ABTB3: variants seen among roughly 807,000 people sequenced by gnomAD.
ABTB3 encodes ankyrin repeat- and BTB/POZ domain-containing protein 3.
the ABTB3 span, among the ~76,000 whole-genome samples, chr12:107,331,566 C>T: frequency 6.6e-6 from 1 of 152,154 alleles, no homozygotes; most frequent in African/African-American, 2.4e-5. Context: ...TGTCAGCCTC[C>T]TCCACCTGGT....
chr12:107,499,375 T>TGC, the ABTB3 span, among the ~76,000 whole-genome samples: 15 of 151,868 alleles, frequency 9.9e-5, no homozygotes, highest in East Asian at 2.7e-3. Flanking sequence ...TGTGTGTGTG[T>TGC]GTGTGTGCGT....
chr12:107,456,065 A>C, the ABTB3 span, among the ~76,000 whole-genome samples: 2 of 152,248 alleles, frequency 1.3e-5, no homozygotes, highest in Admixed American at 6.5e-5. Context: ...AATGGAATAC[A>C]AATGTATCAT....
the ABTB3 span, among the ~76,000 whole-genome samples, chr12:107,497,970 C>T: frequency 6.6e-6 from 1 of 152,132 alleles, no homozygotes; most frequent in East Asian, 1.9e-4. Context: ...GAGTCTGAGG[C>T]ACATCCTGGA....
the ABTB3 span, among the ~76,000 whole-genome samples, chr12:107,463,687 A>G: frequency 6.6e-6 from 1 of 152,178 alleles, no homozygotes; most frequent in Non-Finnish European, 1.5e-5. Flanking sequence ...GCAATAGCAA[A>G]CACTGTGTAT....
chr12:107,584,963 C>CTT, the ABTB3 span, among the ~76,000 whole-genome samples: 2 of 149,900 alleles, frequency 1.3e-5, no homozygotes, highest in Non-Finnish European at 3.0e-5. Context: ...TGAATTCTCC[C>CTT]TTTTTTTTTT....
the ABTB3 span, among the ~76,000 whole-genome samples, chr12:107,396,821 C>G: frequency 6.6e-6 from 1 of 152,158 alleles, no homozygotes; most frequent in South Asian, 2.1e-4. Context: ...CCAGGCAGCC[C>G]TTGATCTTGA....
At chr12:107,476,328 A>G in the ABTB3 span, among the ~76,000 whole-genome samples, 1 of 152,078 alleles carries the variant, frequency 6.6e-6, no homozygotes, top group Non-Finnish European at 1.5e-5. Flanking sequence ...GAAAAATCAC[A>G]GAACTTAAAG....
At chr12:107,466,898 T>G in the ABTB3 span, among the ~76,000 whole-genome samples, 1 of 152,000 alleles carries the variant, frequency 6.6e-6, no homozygotes, top group African/African-American at 2.4e-5. Flanking sequence ...GGCTGGACAG[T>G]GAGAGAAGTT....
At chr12:107,635,384 C>A in the ABTB3 span, 1 of 1,613,712 alleles carries the variant, frequency 6.2e-7, no homozygotes, top group Non-Finnish European at 8.5e-7. Flanking sequence ...ACAGACCTCG[C>A]GCTTGGGTGA....
At chr12:107,366,115 C>T in the ABTB3 span, among the ~76,000 whole-genome samples, 2 of 152,158 alleles carry the variant, frequency 1.3e-5, no homozygotes, top group African/African-American at 4.8e-5. Context: ...AAGCCTTCCC[C>T]ACCCTGCCAC....
the ABTB3 span, among the ~76,000 whole-genome samples, chr12:107,515,648 G>A: frequency 1.3e-5 from 2 of 152,188 alleles, no homozygotes; most frequent in Non-Finnish European, 2.9e-5. Context: ...GCAAACCAGA[G>A]GAAGTAAGGA....
At chr12:107,336,668 C>T in the ABTB3 span, among the ~76,000 whole-genome samples, 1 of 152,204 alleles carries the variant, frequency 6.6e-6, no homozygotes, top group Non-Finnish European at 1.5e-5. Context: ...GACCCACTAA[C>T]CTATCAGTCT....
At chr12:107,528,023 A>G in the ABTB3 span, among the ~76,000 whole-genome samples, 1 of 152,262 alleles carries the variant, frequency 6.6e-6, no homozygotes, top group African/African-American at 2.4e-5. Flanking sequence ...TGGGAAATAT[A>G]CTAGAGTAAG....
At chr12:107,469,866 T>C in the ABTB3 span, among the ~76,000 whole-genome samples, 513 of 75,576 alleles carry the variant, frequency 6.8e-3, 5 homozygotes, top group African/African-American at 0.015. Context: ...TCTTTCTTTC[T>C]TTTCTTTCTT....
At chr12:107,489,266 A>T in the ABTB3 span, among the ~76,000 whole-genome samples, 1 of 152,190 alleles carries the variant, frequency 6.6e-6, no homozygotes. Flanking sequence ...CACACCTGTA[A>T]TCCCAGGACT....
chr12:107,529,538 A>G, the ABTB3 span, among the ~76,000 whole-genome samples: 1 of 152,244 alleles, frequency 6.6e-6, no homozygotes, highest in African/African-American at 2.4e-5. Context: ...AGTGCTTACA[A>G]TATACCAGAC....
the ABTB3 span, among the ~76,000 whole-genome samples, chr12:107,416,171 G>A: frequency 6.6e-6 from 1 of 152,298 alleles, no homozygotes; most frequent in Non-Finnish European, 1.5e-5. Flanking sequence ...AGAATCCAAG[G>A]AAAGGTGCCA....
chr12:107,400,586 G>T, the ABTB3 span, among the ~76,000 whole-genome samples: 1 of 152,154 alleles, frequency 6.6e-6, no homozygotes, highest in African/African-American at 2.4e-5. Context: ...AATGGGAATT[G>T]TAATAGGATC....
the ABTB3 span, among the ~76,000 whole-genome samples, chr12:107,572,478 T>A: frequency 1.6e-4 from 24 of 152,178 alleles, no homozygotes; most frequent in African/African-American, 4.6e-4. Flanking sequence ...GACCCGGGAA[T>A]ATCCATTTTC....
Sources: gnomAD v4.1 joint callset for allele counts (sites outside exome capture counted in the v4.1 genomes callset) on GRCh38, gnomAD v4.1.1 for gene constraint, MANE v1.5 for transcripts, NCBI Gene and HGNC (gene_info 2026-07-23, HGNC 2026-07-21) for gene names.